The following MTHFS variants were observed in gnomAD, a reference collection of about 807,000 sequenced individuals.
MTHFS encodes methenyltetrahydrofolate synthetase, also known as 5-formyltetrahydrofolate cyclo-ligase.
MTHFS carries 7 observed loss-of-function variants against 12.7 expected under a neutral mutation model. The observed-to-expected ratio is 0.55, with a 90% CI of 0.31 to 1.03. The LOEUF (loss-of-function observed/expected upper bound fraction) is 1.03, where lower values mean the gene tolerates loss of function less well. Ranked by LOEUF, MTHFS falls within the 50% of genes least tolerant of loss-of-function variation. The pLI is 0.05. For synonymous variants in MTHFS, 100 were observed against 97.1 expected (o/e 1.03, Z -0.18); for missense variants, 252 against 258.1 (o/e 0.98, Z 0.16).
At chr15:79,847,669 C>CAAA (rs55956333) in intron 2 of MTHFS, among the ~76,000 whole-genome samples, 4 of 75,384 alleles carry the variant, frequency 5.3e-5, no homozygotes, top group Admixed American at 1.5e-4. Context: ...GACTCCGTCT[C>CAAA]AAAAAAAAAA....
intron 2 of MTHFS, among the ~76,000 whole-genome samples, chr15:79,854,138 ATCAG>A (rs1019430741): frequency 8.5e-5 from 13 of 152,228 alleles, no homozygotes; most frequent in Non-Finnish European, 1.0e-4. Flanking sequence ...TGGTGGTGGA[ATCAG>A]TCAAACTGGA....
chr15:79,886,899 T>C (rs1018560934), intron 2 of MTHFS, among the ~76,000 whole-genome samples: 5 of 152,228 alleles, frequency 3.3e-5, no homozygotes, highest in African/African-American at 1.2e-4. Context: ...TTAAAATTAA[T>C]AAATTACCAT....
chr15:79,859,710 C>T (rs923426243), intron 2 of MTHFS, among the ~76,000 whole-genome samples: 2 of 149,156 alleles, frequency 1.3e-5, no homozygotes, highest in Middle Eastern at 3.5e-3. Context: ...CCCAGCTACT[C>T]GGGAGATTGA....
intron 2 of MTHFS, among the ~76,000 whole-genome samples, chr15:79,852,434 A>G (rs2033732127): frequency 6.6e-6 from 1 of 152,228 alleles, no homozygotes; most frequent in Non-Finnish European, 1.5e-5. Flanking sequence ...GAGTTAACTG[A>G]GCCACCTATT....
At chr15:79,893,891 T>C (rs2034519237) in intron 1 of MTHFS, among the ~76,000 whole-genome samples, 1 of 152,162 alleles carries the variant, frequency 6.6e-6, no homozygotes, top group Non-Finnish European at 1.5e-5. Context: ...ACTTCTCTGA[T>C]AAATTTCTAA....
intron 2 of MTHFS, among the ~76,000 whole-genome samples, chr15:79,867,174 TGGTTCA>T (rs1288823042): frequency 6.6e-6 from 1 of 152,172 alleles, no homozygotes; most frequent in East Asian, 1.9e-4. Flanking sequence ...CTATCCAAAC[TGGTTCA>T]GGTATATTGT....
chr15:79,867,150 T>C (rs2141356148), intron 2 of MTHFS, among the ~76,000 whole-genome samples: 1 of 152,268 alleles, frequency 6.6e-6, no homozygotes, highest in Middle Eastern at 3.4e-3. Flanking sequence ...GCCTAATACA[T>C]CTTTTAAACA....
chr15:79,893,782 CAG>C (rs2034517684), intron 1 of MTHFS, among the ~76,000 whole-genome samples: 1 of 150,870 alleles, frequency 6.6e-6, no homozygotes, highest in Admixed American at 6.6e-5. Flanking sequence ...CAGAAACTGA[CAG>C]AGGGAGTAGA....
intron 2 of MTHFS, among the ~76,000 whole-genome samples, chr15:79,873,219 A>T (rs1317638972): frequency 1.3e-5 from 2 of 152,188 alleles, no homozygotes; most frequent in Admixed American, 6.5e-5. Context: ...GGGTCTTAAC[A>T]GCCAAAGGGA....
intron 2 of MTHFS, among the ~76,000 whole-genome samples, chr15:79,866,316 T>A (rs1370350144): frequency 6.6e-6 from 1 of 152,214 alleles, no homozygotes; most frequent in African/African-American, 2.4e-5. Context: ...TATTTACCTG[T>A]ACATTATTTG....
chr15:79,894,545 G>A (rs2586180), intron 1 of MTHFS, among the ~76,000 whole-genome samples: 56,802 of 151,980 alleles, frequency 0.37, 11,095 homozygotes, highest in East Asian at 0.46. Context: ...GCTCTCAGTC[G>A]TCATTCTATT....
At chr15:79,847,348 C>T (rs1218017518) in intron 2 of MTHFS, among the ~76,000 whole-genome samples, 1 of 152,012 alleles carries the variant, frequency 6.6e-6, no homozygotes, top group Admixed American at 6.6e-5. Flanking sequence ...CCCCCTAGAA[C>T]ACAACAGCAA....
At chr15:79,891,389 T>C (rs1428406914) in intron 1 of MTHFS, among the ~76,000 whole-genome samples, 1 of 152,202 alleles carries the variant, frequency 6.6e-6, no homozygotes, top group Non-Finnish European at 1.5e-5. Flanking sequence ...ACAGGACAGA[T>C]AATTTTTTGA....
chr15:79,870,735 T>C (rs1302996147), intron 2 of MTHFS, among the ~76,000 whole-genome samples: 2 of 151,996 alleles, frequency 1.3e-5, no homozygotes, highest in East Asian at 1.9e-4. Flanking sequence ...CTATACTCTA[T>C]AATATAGTAA....
intron 2 of MTHFS, among the ~76,000 whole-genome samples, chr15:79,856,367 T>C (rs1206384371): frequency 6.6e-6 from 1 of 152,242 alleles, no homozygotes; most frequent in Non-Finnish European, 1.5e-5. Context: ...ATGTGTTTGT[T>C]TTCTTCTTGT....
At chr15:79,857,461 T>C (rs552241618) in intron 2 of MTHFS, among the ~76,000 whole-genome samples, 2 of 152,280 alleles carry the variant, frequency 1.3e-5, no homozygotes, top group Admixed American at 1.3e-4. Context: ...TAAAATAAAA[T>C]TACACAGTAC....
chr15:79,891,702 T>A (rs1032490341), intron 1 of MTHFS, among the ~76,000 whole-genome samples: 10 of 152,142 alleles, frequency 6.6e-5, no homozygotes, highest in Non-Finnish European at 1.3e-4. Flanking sequence ...TATACTTGGC[T>A]CACACCTGTA....
chr15:79,889,139 G>T lies in MTHFS; in HGVS notation c.333C>A (p.Ile111=), dbSNP rs1446943048. 4 of 1,614,176 alleles carry T rather than the reference G, an allele frequency of 2.5e-6. No homozygotes were observed. The highest frequency in any genetic ancestry group is 1.7e-5 in the Admixed American group (1 of 60,018). The part of the protein sequence containing the change: ...ISLLPKTSWN[I]PQPGEGDVRE... ...GAACATCACCCTCACCAGGCTGAGG[G>T]ATATTCCAGGATGTTTTGGGAAGTA... is the stretch of plus-strand genomic sequence containing the variant. Residue 111 remains isoleucine (I), a synonymous_variant, in exon 2 of 3, where the codon ATC becomes ATA. Transcript: ENST00000258874.
intron 2 of MTHFS, among the ~76,000 whole-genome samples, chr15:79,874,136 CT>C (rs2034150670): frequency 6.6e-6 from 1 of 152,194 alleles, no homozygotes; most frequent in Non-Finnish European, 1.5e-5. Context: ...CTCAGAATCA[CT>C]TCTAGAATGG....
Sources: gnomAD v4.1 joint callset for allele counts (sites outside exome capture counted in the v4.1 genomes callset) on GRCh38, gnomAD v4.1.1 for gene constraint, MANE v1.5 for transcripts, NCBI Gene and HGNC (gene_info 2026-07-23, HGNC 2026-07-21) for gene names.